Variants in MECOM observed in about 807,000 individuals in gnomAD.
MECOM encodes the protein MDS1 and EVI1 complex locus.
In MECOM, 13 loss-of-function variants were observed where a neutral mutation model predicts 116.3. The ratio of observed to expected loss-of-function variants is 0.11; its 90% CI spans 0.07 to 0.18. The LOEUF is 0.18. Ranked by LOEUF, MECOM falls within the 10% of genes least tolerant of loss-of-function variation. The pLI, the probability that MECOM is intolerant of heterozygous loss-of-function variation, is 1.00. For missense variants in MECOM, 1,299 were observed against 1,509.0 expected (o/e 0.86, Z 2.31); for synonymous variants, 528 against 535.2 (o/e 0.99, Z 0.19).
At chr3:169,362,542 C>T (rs1001149859) in intron 2 of MECOM, among the ~76,000 whole-genome samples, 11 of 151,666 alleles carry the variant, frequency 7.3e-5, no homozygotes, top group Non-Finnish European at 1.5e-4. Context: ...CATGAATGGC[C>T]AGATTGTTGA....
intron 1 of MECOM, among the ~76,000 whole-genome samples, chr3:169,582,531 A>T (rs1765238296): frequency 6.6e-6 from 1 of 152,202 alleles, no homozygotes. Flanking sequence ...ACTTCAGTTT[A>T]TCCTGTCAAA....
intron 5 of MECOM, among the ~76,000 whole-genome samples, chr3:169,123,902 A>T (rs1403117645): frequency 1.3e-5 from 2 of 152,122 alleles, no homozygotes; most frequent in African/African-American, 2.4e-5. Flanking sequence ...CCCAAGGAAG[A>T]TGCAGGAAAG....
intron 2 of MECOM, among the ~76,000 whole-genome samples, chr3:169,224,901 C>G (rs920759835): frequency 2.6e-5 from 4 of 152,142 alleles, no homozygotes; most frequent in Non-Finnish European, 4.4e-5. Context: ...CTGAAAGCCA[C>G]AAGATTAAAC....
chr3:169,363,997 G>T (rs374481267), intron 2 of MECOM, among the ~76,000 whole-genome samples: 1 of 151,894 alleles, frequency 6.6e-6, no homozygotes. Flanking sequence ...GCTCTTTCCT[G>T]CTTGCTTCTT....
At chr3:169,292,272 G>A (rs897691316) in intron 2 of MECOM, among the ~76,000 whole-genome samples, 3 of 152,138 alleles carry the variant, frequency 2.0e-5, no homozygotes, top group African/African-American at 7.2e-5. Flanking sequence ...AGGCAGGGTA[G>A]CAGTGAGCTG....
At chr3:169,262,638 C>G (rs943808073) in intron 2 of MECOM, among the ~76,000 whole-genome samples, 6 of 152,018 alleles carry the variant, frequency 3.9e-5, no homozygotes, top group Non-Finnish European at 7.4e-5. Context: ...AACTTAGAAG[C>G]CTTTTATTGC....
intron 1 of MECOM, chr3:169,484,123 C>T (rs1751793721): frequency 2.6e-6 from 2 of 778,092 alleles, no homozygotes; most frequent in Non-Finnish European, 4.2e-6. Flanking sequence ...CTCTAGTAAA[C>T]AAAAAGTGAT....
intron 1 of MECOM, among the ~76,000 whole-genome samples, chr3:169,395,677 A>G (rs374903055): frequency 6.6e-6 from 1 of 152,236 alleles, no homozygotes; most frequent in African/African-American, 2.4e-5. Flanking sequence ...TGGATAATCC[A>G]TATTTATGTC....
intron 1 of MECOM, among the ~76,000 whole-genome samples, chr3:169,553,853 C>T (rs981342831): frequency 1.3e-5 from 2 of 152,132 alleles, no homozygotes; most frequent in African/African-American, 2.4e-5. Flanking sequence ...TCAGTCAGAT[C>T]GGATTAAGGT....
intron 2 of MECOM, among the ~76,000 whole-genome samples, chr3:169,177,628 G>T (rs957737429): frequency 6.6e-6 from 1 of 152,032 alleles, no homozygotes; most frequent in Non-Finnish European, 1.5e-5. Flanking sequence ...ACAATAAAAA[G>T]AATGAGGACC....
chr3:169,084,011 T>C lies in MECOM; in HGVS notation c.*898A>G. On this transcript the variant is annotated 3_prime_UTR_variant, in exon 17 of 17. Transcript: ENST00000651503. Reference sequence around the variant, plus strand: ...ACTCTCATACACAGGTCGGGTCACCTTGGTCCTTGAAATTCGGAAAGGGGT... The same window carrying C: ...ACTCTCATACACAGGTCGGGTCACCCTGGTCCTTGAAATTCGGAAAGGGGT... The C allele has an allele frequency of 4.3e-6, 1 of 230,536 alleles. No individual in the cohort carries two copies. The highest frequency in any genetic ancestry group is 8.6e-6 in the Non-Finnish European group (1 of 116,320). The allele number at this position is 230,536 out of a possible 1,614,324, so 14.3% of individuals were successfully genotyped here.
intron 1 of MECOM, among the ~76,000 whole-genome samples, chr3:169,468,062 G>A (rs562039907): frequency 1.9e-4 from 29 of 151,996 alleles, no homozygotes; most frequent in South Asian, 4.2e-4. Flanking sequence ...TTGAAGTTGC[G>A]GTAAAAGACA....
intron 1 of MECOM, among the ~76,000 whole-genome samples, chr3:169,619,331 G>A (rs773061351): frequency 3.9e-5 from 6 of 152,092 alleles, no homozygotes; most frequent in Non-Finnish European, 7.4e-5. Context: ...ACCGCAACAC[G>A]TCACACAGCT....
intron 9 of MECOM, among the ~76,000 whole-genome samples, chr3:169,112,565 G>A (rs1366283986): frequency 6.6e-6 from 1 of 152,132 alleles, no homozygotes; most frequent in African/African-American, 2.4e-5. Context: ...GTTAATAGCA[G>A]ACAATCATTT....
At chr3:169,617,145 T>C (rs1465679230) in intron 1 of MECOM, among the ~76,000 whole-genome samples, 1 of 152,138 alleles carries the variant, frequency 6.6e-6, no homozygotes, top group Non-Finnish European at 1.5e-5. Context: ...GAAGAATGGC[T>C]TTCCCCCTCA....
chr3:169,543,886 T>C (rs1354225772), intron 1 of MECOM, among the ~76,000 whole-genome samples: 1 of 152,170 alleles, frequency 6.6e-6, no homozygotes, highest in Non-Finnish European at 1.5e-5. Context: ...TATTGATTTT[T>C]ATTTATTTAT....
chr3:169,228,067 G>A (rs1010144246), intron 2 of MECOM, among the ~76,000 whole-genome samples: 36 of 152,126 alleles, frequency 2.4e-4, no homozygotes, highest in African/African-American at 7.0e-4. Context: ...CACAACAGAC[G>A]GAACCAACAA....
rs189335761 is a variant in MECOM at position 169,272,240 on chromosome 3, G to C, written c.375+108947C>G. Reference sequence around the variant, plus strand: ...ACTCATGAAAGTGCCTTAGTTCCCAGAGTAGGACCCAGAGACTACTGGAGA... The same window carrying C: ...ACTCATGAAAGTGCCTTAGTTCCCACAGTAGGACCCAGAGACTACTGGAGA... On this transcript the variant is annotated intron_variant, in intron 2 of 16. Transcript: ENST00000651503. 2.1e-3 allele frequency among the ~76,000 whole-genome samples: 322 copies of C among 152,300 alleles called. 3 individuals are homozygous for C. The highest frequency in any genetic ancestry group is 3.0e-3 in the Non-Finnish European group (202 of 68,038).
intron 2 of MECOM, among the ~76,000 whole-genome samples, chr3:169,301,711 T>C (rs887438983): frequency 6.6e-6 from 1 of 152,222 alleles, no homozygotes; most frequent in Non-Finnish European, 1.5e-5. Flanking sequence ...TATGCTAATT[T>C]TGATGACAGT....
Sources: allele counts gnomAD v4.1 joint callset (sites outside exome capture counted in the v4.1 genomes callset), GRCh38; gene constraint gnomAD v4.1.1; transcripts MANE v1.5; gene names NCBI Gene and HGNC (gene_info 2026-07-23, HGNC 2026-07-21).